CDKAL1: variants seen among roughly 807,000 people sequenced by gnomAD.
CDKAL1 encodes CDKAL1 threonylcarbamoyladenosine tRNA methylthiotransferase, also known as threonylcarbamoyladenosine tRNA methylthiotransferase.
A neutral mutation model predicts 68.2 loss-of-function variants in CDKAL1; 32 were observed. The observed-to-expected ratio is 0.47, with a 90% CI of 0.35 to 0.63. The LOEUF is 0.63. Ranked by LOEUF, CDKAL1 falls within the 30% of genes least tolerant of loss-of-function variation. The pLI, the probability that CDKAL1 is intolerant of heterozygous loss-of-function variation, is 0.00. For synonymous variants in CDKAL1, 234 were observed against 244.3 expected, an observed-to-expected ratio of 0.96 and a Z score of 0.39; for missense variants, 606 against 696.7, an observed-to-expected ratio of 0.87 and a Z score of 1.47.
intron 13 of CDKAL1, among the ~76,000 whole-genome samples, chr6:21,154,578 A>G (rs1178389102): frequency 6.6e-6 from 1 of 152,202 alleles, no homozygotes; most frequent in African/African-American, 2.4e-5. Context: ...CTTTTGATAT[A>G]ATGTTAAATG....
Position 20,788,740 on chromosome 6 carries a change from C to T in CDKAL1, c.638+7475C>T, listed in dbSNP as rs1312970757. On this transcript the variant is annotated intron_variant, in intron 8 of 15. Transcript: ENST00000274695. ...GTCATTCTCTGAGACCCCTTCTACC[C>T]TTGATTTCTTTTTATTCTTTCTATT... 2.0e-5 allele frequency among the ~76,000 whole-genome samples: 3 copies of T among 152,264 alleles called. No individual in the cohort carries two copies. The East Asian group carries it at 5.8e-4, about 29-fold the overall frequency.
intron 2 of CDKAL1, among the ~76,000 whole-genome samples, chr6:20,543,249 A>G (rs1427419466): frequency 1.3e-5 from 2 of 152,240 alleles, no homozygotes; most frequent in Non-Finnish European, 2.9e-5. Flanking sequence ...CAAACTGTTT[A>G]CTGGAGTGGC....
intron 5 of CDKAL1, among the ~76,000 whole-genome samples, chr6:20,703,153 T>C (rs1292540317): frequency 6.6e-6 from 1 of 152,236 alleles, no homozygotes; most frequent in Non-Finnish European, 1.5e-5. Flanking sequence ...GGGTTGTTCT[T>C]GGCTTTGTTA....
intron 13 of CDKAL1, among the ~76,000 whole-genome samples, chr6:21,120,923 C>A (rs945871871): frequency 6.6e-6 from 1 of 152,120 alleles, no homozygotes; most frequent in African/African-American, 2.4e-5. Flanking sequence ...TATAATCTCA[C>A]AAACATGTCA....
chr6:20,963,146 A>G (rs1305559351), intron 10 of CDKAL1, among the ~76,000 whole-genome samples: 1 of 152,202 alleles, frequency 6.6e-6, no homozygotes, highest in Non-Finnish European at 1.5e-5. Flanking sequence ...GATGAAAGGA[A>G]TGTCCTTTCT....
At chr6:21,001,147 C>T (rs921172083) in intron 11 of CDKAL1, among the ~76,000 whole-genome samples, 2 of 152,148 alleles carry the variant, frequency 1.3e-5, no homozygotes, top group Non-Finnish European at 1.5e-5. Context: ...TTTGTCTTGG[C>T]GTATTTGTGG....
chr6:21,045,218 C>G (rs1043321325), intron 11 of CDKAL1, among the ~76,000 whole-genome samples: 2 of 152,102 alleles, frequency 1.3e-5, no homozygotes, highest in Non-Finnish European at 2.9e-5. Context: ...TTAGCTAGAT[C>G]GGAATGATAT....
chr6:20,573,837 C>T (rs989642935), intron 4 of CDKAL1, among the ~76,000 whole-genome samples: 18 of 152,078 alleles, frequency 1.2e-4, no homozygotes, highest in Non-Finnish European at 2.1e-4. Context: ...CTTTTTGACC[C>T]ACTGCTCTTC....
intron 12 of CDKAL1, among the ~76,000 whole-genome samples, chr6:21,102,889 AAC>A (rs1427409317): frequency 6.6e-6 from 1 of 152,218 alleles, no homozygotes; most frequent in Non-Finnish European, 1.5e-5. Flanking sequence ...TTGACAGGCT[AAC>A]TACTTAGGCT....
chr6:20,547,359 T>C (rs1407879454), intron 3 of CDKAL1, among the ~76,000 whole-genome samples: 1 of 152,236 alleles, frequency 6.6e-6, no homozygotes, highest in South Asian at 2.1e-4. Context: ...AATAAAATTT[T>C]TACCAGAGTT....
At chr6:20,909,763 T>TTC (rs1340205594) in intron 9 of CDKAL1, among the ~76,000 whole-genome samples, 1 of 152,168 alleles carries the variant, frequency 6.6e-6, no homozygotes, top group African/African-American at 2.4e-5. Context: ...AGGGAGCACC[T>TTC]TCCTAGGTAG....
intron 11 of CDKAL1, among the ~76,000 whole-genome samples, chr6:21,057,412 T>C (rs748776062): frequency 3.3e-5 from 5 of 151,904 alleles, no homozygotes; most frequent in Non-Finnish European, 7.4e-5. Flanking sequence ...TCTCCTCTCT[T>C]TTCTTTATTA....
In CDKAL1 at chr6:20,586,620, G is replaced by C. The variant is rs188816761; in HGVS notation, c.286+37915G>C. Among the ~76,000 whole-genome samples, 236 of 152,132 alleles carry C rather than the reference G, an allele frequency of 1.6e-3. 2 individuals are homozygous for C. The highest frequency in any genetic ancestry group is 2.5e-3 in the Non-Finnish European group (173 of 67,990). On this transcript the variant is annotated intron_variant, in intron 4 of 15. Coordinates refer to ENST00000274695, the MANE Select transcript of CDKAL1 (RefSeq NM_017774.3). Reference sequence around the variant, plus strand: ...GCCACTGCACTCCGGCCTGGGTGACGAGTGAAACTCTATCTCAAAACAAAC... The same window carrying C: ...GCCACTGCACTCCGGCCTGGGTGACCAGTGAAACTCTATCTCAAAACAAAC...
rs950485905 is a variant in CDKAL1, at chr6:20,887,317, C to A, written c.742+41139C>A. Among the ~76,000 whole-genome samples, 4 of 152,110 alleles carry A rather than the reference C, an allele frequency of 2.6e-5. No homozygotes were observed. The East Asian group carries it at 7.7e-4, about 29-fold the overall frequency. ...TATCCTGTAATCCAGCAATTCTACT[C>A]ATTTACTAAGAGAAATTTGTCAAAA... On this transcript the variant is annotated intron_variant, in intron 9 of 15. Transcript: ENST00000274695.
intron 4 of CDKAL1, among the ~76,000 whole-genome samples, chr6:20,594,488 C>T (rs1301605760): frequency 3.3e-5 from 5 of 152,116 alleles, no homozygotes; most frequent in African/African-American, 1.2e-4. Context: ...TCATCAGAGA[C>T]TAGGATTGCA....
rs191990616 is a variant in CDKAL1, at chr6:20,747,248, A to G, written c.468+7633A>G. ...ATTTTATTCATTCATCCATCGATGG[A>G]TACTTAGGTTGTTTTCACATCTTGG... On this transcript the variant is annotated intron_variant, in intron 6 of 15. Transcript: ENST00000274695. Among the ~76,000 whole-genome samples, 594 of 152,282 alleles carry G rather than the reference A, an allele frequency of 3.9e-3. 4 individuals are homozygous for G. The highest frequency in any genetic ancestry group is 5.2e-3 in the Non-Finnish European group (354 of 68,028).
intron 9 of CDKAL1, among the ~76,000 whole-genome samples, chr6:20,883,188 A>C (rs889170482): frequency 1.3e-5 from 2 of 152,218 alleles, no homozygotes; most frequent in Non-Finnish European, 2.9e-5. Flanking sequence ...GATCTGTATC[A>C]AAGGAAGTAA....
At chr6:21,035,407 T>C (rs564484741) in intron 11 of CDKAL1, among the ~76,000 whole-genome samples, 1 of 152,248 alleles carries the variant, frequency 6.6e-6, no homozygotes, top group South Asian at 2.1e-4. Context: ...TATTATTTAG[T>C]ACCCATAGAT....
chr6:21,029,526 T>G (rs1408105184), intron 11 of CDKAL1, among the ~76,000 whole-genome samples: 1 of 152,066 alleles, frequency 6.6e-6, no homozygotes. Context: ...AAAGAAACTA[T>G]CATCAGAGTG....
Sources: gnomAD v4.1 joint callset for allele counts (sites outside exome capture counted in the v4.1 genomes callset) on GRCh38, gnomAD v4.1.1 for gene constraint, MANE v1.5 for transcripts, NCBI Gene and HGNC (gene_info 2026-07-23, HGNC 2026-07-21) for gene names.